Variants in NEXMIF observed in about 807,000 individuals in gnomAD.
The protein encoded by NEXMIF is neurite extension and migration factor, also known as XLMR protein related to neurite extension.
In NEXMIF, 8 loss-of-function variants were observed where a neutral mutation model predicts 62.1. The observed-to-expected ratio is 0.13, with a 90% CI of 0.08 to 0.23. The LOEUF (loss-of-function observed/expected upper bound fraction) is 0.23, where lower values mean the gene tolerates loss of function less well. Ranked by LOEUF, NEXMIF falls within the 10% of genes least tolerant of loss-of-function variation. The pLI, the probability that NEXMIF is intolerant of heterozygous loss-of-function variation, is 1.00. For missense variants in NEXMIF, 976 were observed against 1,113.3 expected (o/e 0.88, Z 1.75); for synonymous variants, 404 against 416.6 (o/e 0.97, Z 0.37).
At chrX:74,919,743 T>C (rs1313171708) in intron 1 of NEXMIF, among the ~76,000 whole-genome samples, 1 of 110,916 alleles carries the variant, frequency 9.0e-6, no homozygotes, top group Non-Finnish European at 1.9e-5. Context: ...TCATTTAGCA[T>C]TAGGTATATC....
chrX:74,887,200 G>T (rs1377271773), intron 1 of NEXMIF, among the ~76,000 whole-genome samples: 1 of 111,917 alleles, frequency 8.9e-6, no homozygotes, highest in Non-Finnish European at 1.9e-5. Flanking sequence ...AAAAACCCTA[G>T]AAGAAAACCT....
intron 1 of NEXMIF, among the ~76,000 whole-genome samples, chrX:74,778,870 G>A (rs754018728): frequency 7.2e-5 from 8 of 111,465 alleles, no homozygotes; most frequent in East Asian, 2.8e-4. Flanking sequence ...TAAATGATCC[G>A]CCCACCTCAG....
At chrX:74,810,672 T>A (rs1449079480) in intron 1 of NEXMIF, among the ~76,000 whole-genome samples, 1 of 109,278 alleles carries the variant, frequency 9.2e-6, no homozygotes, top group Non-Finnish European at 1.9e-5. Context: ...TGGGTTCTAG[T>A]CCTAGCTCTG....
intron 1 of NEXMIF, among the ~76,000 whole-genome samples, chrX:74,858,124 C>T (rs1172843771): frequency 4.5e-5 from 5 of 111,896 alleles, no homozygotes; most frequent in Non-Finnish European, 7.5e-5. Flanking sequence ...AATTGTCACT[C>T]GATTTGCCAC....
intron 1 of NEXMIF, among the ~76,000 whole-genome samples, chrX:74,788,616 T>C (rs2080267846): frequency 9.0e-6 from 1 of 111,330 alleles, no homozygotes; most frequent in Admixed American, 9.6e-5. Context: ...TGATGTTGCT[T>C]ACCCCATTTC....
chrX:74,875,439 A>G (rs2147507571), intron 1 of NEXMIF, among the ~76,000 whole-genome samples: 1 of 111,892 alleles, frequency 8.9e-6, no homozygotes, highest in South Asian at 3.7e-4. Context: ...CATCAAGGAT[A>G]TTGGTCTAAA....
At chrX:74,782,283 C>CA (rs2080249410) in intron 1 of NEXMIF, among the ~76,000 whole-genome samples, 1 of 111,907 alleles carries the variant, frequency 8.9e-6, no homozygotes, top group Non-Finnish European at 1.9e-5. Context: ...GAAATGCTTT[C>CA]AAACTTGTAA....
chrX:74,775,401 C>A (rs1251001818), intron 1 of NEXMIF, among the ~76,000 whole-genome samples: 12 of 111,460 alleles, frequency 1.1e-4, no homozygotes, highest in Non-Finnish European at 1.7e-4. Context: ...AAAGACAGAG[C>A]CGTAAATATG....
chrX:74,876,643 A>C (rs766201261), intron 1 of NEXMIF, among the ~76,000 whole-genome samples: 2 of 100,188 alleles, frequency 2.0e-5, no homozygotes, highest in African/African-American at 7.3e-5. Context: ...TTTGTAGGTC[A>C]CTCAGGACTT....
At chrX:74,798,413 T>C (rs1178114630) in intron 1 of NEXMIF, among the ~76,000 whole-genome samples, 2 of 112,377 alleles carry the variant, frequency 1.8e-5, no homozygotes, top group African/African-American at 3.2e-5. Flanking sequence ...AAACTATCCA[T>C]ATGGCACACA....
intron 1 of NEXMIF, among the ~76,000 whole-genome samples, chrX:74,871,537 C>T (rs1022996802): frequency 1.8e-5 from 2 of 111,035 alleles, no homozygotes; most frequent in Non-Finnish European, 3.8e-5. Flanking sequence ...AGCCTGAGGG[C>T]ACTGCAGGAG....
intron 1 of NEXMIF, among the ~76,000 whole-genome samples, chrX:74,759,716 C>T (rs1335304848): frequency 9.0e-6 from 1 of 111,257 alleles, no homozygotes; most frequent in East Asian, 2.8e-4. Context: ...GGCCTTACTT[C>T]TGGACTCCCT....
intron 1 of NEXMIF, among the ~76,000 whole-genome samples, chrX:74,783,573 G>A (rs1231338534): frequency 5.4e-5 from 6 of 111,477 alleles, no homozygotes; most frequent in Non-Finnish European, 1.1e-4. Flanking sequence ...GGGTCAATTT[G>A]AGGAGAACCA....
intron 1 of NEXMIF, among the ~76,000 whole-genome samples, chrX:74,887,912 G>A (rs1602267751): frequency 1.8e-5 from 2 of 111,995 alleles, no homozygotes; most frequent in African/African-American, 3.2e-5. Context: ...TCCAACAATG[G>A]TAGACTGGAT....
chrX:74,833,440 A>G (rs1012161606), intron 1 of NEXMIF, among the ~76,000 whole-genome samples: 1 of 110,993 alleles, frequency 9.0e-6, no homozygotes, highest in Non-Finnish European at 1.9e-5. Flanking sequence ...ATCTTTTTTC[A>G]TCCCTTTATT....
chrX:74,800,535 G>A (rs534624692), intron 1 of NEXMIF, among the ~76,000 whole-genome samples: 1 of 110,602 alleles, frequency 9.0e-6, no homozygotes, highest in African/African-American at 3.3e-5. Flanking sequence ...GAACAGTTCC[G>A]TGATCCCAAA....
chrX:74,751,477 T>C (rs1388850117), intron 1 of NEXMIF, among the ~76,000 whole-genome samples: 1 of 109,274 alleles, frequency 9.2e-6, no homozygotes, highest in Non-Finnish European at 1.9e-5. Flanking sequence ...TTCTTTCTTC[T>C]CTCTGTCTCT....
chrX:74,809,261 C>T (rs1027278724), intron 1 of NEXMIF, among the ~76,000 whole-genome samples: 5 of 112,032 alleles, frequency 4.5e-5, no homozygotes, highest in Non-Finnish European at 7.5e-5. Flanking sequence ...TTGTCACACC[C>T]AGACCATTAT....
intron 1 of NEXMIF, among the ~76,000 whole-genome samples, chrX:74,901,525 T>C (rs763220057): frequency 2.8e-4 from 32 of 112,299 alleles, no homozygotes; most frequent in Non-Finnish European, 4.7e-4. Context: ...CTTGGTTCCA[T>C]TATACATCTT....
Sources: allele counts gnomAD v4.1 joint callset (sites outside exome capture counted in the v4.1 genomes callset), GRCh38; gene constraint gnomAD v4.1.1; transcripts MANE v1.5; gene names NCBI Gene and HGNC (gene_info 2026-07-23, HGNC 2026-07-21).